WIPF3: variants seen among roughly 807,000 people sequenced by gnomAD.
WIPF3 encodes WAS/WASL-interacting protein family member 3.
In WIPF3, 33 loss-of-function variants were observed where a neutral mutation model predicts 38.9. That is an observed-to-expected ratio of 0.85 (90% CI 0.64 to 1.14). WIPF3 has a LOEUF of 1.14. Among genes scored for constraint, WIPF3 ranks in the 50% most tolerant of loss-of-function variants. WIPF3 has a pLI of 0.00. For synonymous variants in WIPF3, 324 were observed against 269.3 expected (o/e 1.20, Z -1.99); for missense variants, 711 against 652.5 (o/e 1.09, Z -0.98).
chr7:29,913,259 G>A (rs1198155515), intron 8 of WIPF3, among the ~76,000 whole-genome samples: 1 of 151,116 alleles, frequency 6.6e-6, no homozygotes, highest in Non-Finnish European at 1.5e-5. Context: ...GGCAAGAGAA[G>A]CGCTTGAACC....
chr7:29,911,360 AC>A, intron 8 of WIPF3, among the ~76,000 whole-genome samples: 1 of 152,118 alleles, frequency 6.6e-6, no homozygotes. Context: ...TTCAGTGTAA[AC>A]CCTACCGAAA....
intron 7 of WIPF3, among the ~76,000 whole-genome samples, chr7:29,899,285 A>G (rs1236011030): frequency 6.6e-6 from 1 of 152,238 alleles, no homozygotes; most frequent in Non-Finnish European, 1.5e-5. Context: ...AATCCATGGC[A>G]GTAACTTATC....
rs941163655 is a variant in WIPF3 at position 29,878,364 on chromosome 7, T to C, written c.224-645T>C. Among the ~76,000 whole-genome samples the C allele has an allele frequency of 1.3e-5, 2 of 152,254 alleles. No individual in the cohort carries two copies. Among genetic ancestry groups the C allele is most frequent in the African/African-American group, 2.4e-5 (1 of 41,460 alleles). On this transcript the variant is annotated intron_variant, in intron 3 of 8. Coordinates refer to ENST00000242140, the MANE Select transcript of WIPF3 (RefSeq NM_001080529.3). This position sits in a 1 kb window ranked among gnomAD's most constrained non-coding sequence, Gnocchi z 4.0. ...CTAAGCTGAGTATCTTCTCGTTTTC[T>C]GTAGTTGGTAATCACACATGTCTGG...
At chr7:29,807,239 C>A (rs1784297578) in intron 1 of WIPF3, among the ~76,000 whole-genome samples, 1 of 152,150 alleles carries the variant, frequency 6.6e-6, no homozygotes, top group African/African-American at 2.4e-5. Flanking sequence ...AGTGACTTGT[C>A]CAAGGTCACA....
intron 1 of WIPF3, among the ~76,000 whole-genome samples, chr7:29,830,863 G>C (rs1371275806): frequency 3.3e-5 from 5 of 152,140 alleles, no homozygotes; most frequent in Non-Finnish European, 7.4e-5. Context: ...GAGTCAAAAA[G>C]GTATAGAGCC....
intron 2 of WIPF3, among the ~76,000 whole-genome samples, chr7:29,848,593 C>T (rs1785040732): frequency 6.6e-6 from 1 of 152,066 alleles, no homozygotes; most frequent in Non-Finnish European, 1.5e-5. Flanking sequence ...ACTCTACTAC[C>T]CAGGGAAATT....
chr7:29,817,313 T>C (rs537059871), intron 1 of WIPF3, among the ~76,000 whole-genome samples: 15 of 152,298 alleles, frequency 9.8e-5, no homozygotes, highest in Admixed American at 9.1e-4. Context: ...GTAATTTCCC[T>C]GCAATTTGTA....
At chr7:29,888,295 T>C in intron 6 of WIPF3, 78 bp downstream of exon 6, 10 of 1,509,928 alleles carry the variant, frequency 6.6e-6, no homozygotes, top group Non-Finnish European at 8.9e-6. Context: ...GAGAGTTTGC[T>C]GGCCACAGTG....
At chr7:29,818,596 G>A (rs965587206) in intron 1 of WIPF3, among the ~76,000 whole-genome samples, 5 of 147,904 alleles carry the variant, frequency 3.4e-5, no homozygotes, top group South Asian at 2.1e-4. Context: ...TAATTTTTCC[G>A]TGGAGTCTGT....
At chr7:29,872,380 A>G (rs1785510140) in intron 2 of WIPF3, among the ~76,000 whole-genome samples, 1 of 152,172 alleles carries the variant, frequency 6.6e-6, no homozygotes, top group Non-Finnish European at 1.5e-5. Context: ...GTGCAAATGG[A>G]TATGTCCTTT....
chr7:29,834,046 A>G (rs1466247928), intron 1 of WIPF3, among the ~76,000 whole-genome samples: 1 of 152,200 alleles, frequency 6.6e-6, no homozygotes, highest in Admixed American at 6.5e-5. Flanking sequence ...AATACCAGAT[A>G]GAAAGTCTAG....
At chr7:29,846,923 G>A (rs560873959) in intron 2 of WIPF3, among the ~76,000 whole-genome samples, 1 of 152,192 alleles carries the variant, frequency 6.6e-6, no homozygotes, top group Admixed American at 6.5e-5. Context: ...AGGATGTCAA[G>A]CAAATTACTT....
Position 29,850,990 on chromosome 7 carries a change from G to T in WIPF3, c.90+16176G>T, listed in dbSNP as rs138476989. Reference sequence around the variant, plus strand: ...AATGATGCTTTAAAGCATCAGCACAGATCCTGGAACATACTAAGTGTTCAG... The same window carrying T: ...AATGATGCTTTAAAGCATCAGCACATATCCTGGAACATACTAAGTGTTCAG... On this transcript the variant is annotated intron_variant, in intron 2 of 8. Transcript: ENST00000242140. Among the ~76,000 whole-genome samples the T allele has an allele frequency of 4.4e-4, 67 of 152,264 alleles. No individual in the cohort carries two copies. In the East Asian group the frequency reaches 0.012, roughly 26 times the overall value.
At chr7:29,880,273 C>T (rs1032462323) in intron 4 of WIPF3, among the ~76,000 whole-genome samples, 8 of 152,120 alleles carry the variant, frequency 5.3e-5, no homozygotes, top group African/African-American at 1.2e-4. Context: ...TTCCATCATG[C>T]GACTTTTCTA....
intron 7 of WIPF3, among the ~76,000 whole-genome samples, chr7:29,899,153 A>G (rs1171375268): frequency 6.6e-6 from 1 of 152,078 alleles, no homozygotes; most frequent in Non-Finnish European, 1.5e-5. Flanking sequence ...CACTAATCCC[A>G]TCATGAGGGT....
intron 2 of WIPF3, among the ~76,000 whole-genome samples, chr7:29,870,169 G>A (rs1785469893): frequency 6.6e-6 from 1 of 152,178 alleles, no homozygotes; most frequent in East Asian, 1.9e-4. Context: ...AGGTCTTGAG[G>A]TGAGCACCAG....
At chr7:29,875,651 C>T (rs1785576188) in intron 2 of WIPF3, among the ~76,000 whole-genome samples, 179 bp from the exon 3 acceptor site, 1 of 152,138 alleles carries the variant, frequency 6.6e-6, no homozygotes, top group African/African-American at 2.4e-5. Context: ...CCTTCTAGGT[C>T]ACCAGGAAAA....
At chr7:29,866,233 C>T (rs937956407) in intron 2 of WIPF3, among the ~76,000 whole-genome samples, 28 of 152,240 alleles carry the variant, frequency 1.8e-4, no homozygotes, top group African/African-American at 6.3e-4. Flanking sequence ...CTTGAACTTT[C>T]TAGAAATTTT....
chr7:29,827,298 G>A (rs1042854965), intron 1 of WIPF3, among the ~76,000 whole-genome samples: 2 of 152,126 alleles, frequency 1.3e-5, no homozygotes, highest in Non-Finnish European at 2.9e-5. Flanking sequence ...TCATAGGTTG[G>A]AAGTCCAAGG....
Sources: gnomAD v4.1 joint callset for allele counts (sites outside exome capture counted in the v4.1 genomes callset) on GRCh38, gnomAD v4.1.1 for gene constraint, Gnocchi (gnomAD v3.1) non-coding constraint, MANE v1.5 for transcripts, NCBI Gene and HGNC (gene_info 2026-07-23, HGNC 2026-07-21) for gene names.